Variants in LIN54 observed in about 807,000 individuals in gnomAD.
LIN54 encodes lin-54 DREAM MuvB core complex component.
Under a neutral mutation model 78.7 loss-of-function variants are expected in LIN54, and 9 were observed. The ratio of observed to expected loss-of-function variants is 0.11; its 90% CI spans 0.07 to 0.20. The LOEUF (loss-of-function observed/expected upper bound fraction) is 0.20, where lower values mean the gene tolerates loss of function less well. Ranked by LOEUF, LIN54 falls within the 10% of genes least tolerant of loss-of-function variation. LIN54 has a pLI of 1.00. For missense variants in LIN54, 573 were observed against 889.9 expected (o/e 0.64, Z 4.53); for synonymous variants, 269 against 318.4 (o/e 0.84, Z 1.65).
chr4:82,957,386 T>C (rs1451556293), intron 4 of LIN54, among the ~76,000 whole-genome samples: 1 of 149,630 alleles, frequency 6.7e-6, no homozygotes, highest in African/African-American at 2.5e-5. Context: ...CAAACTTTAC[T>C]TTCATGTTTT....
At chr4:82,936,508 T>C in intron 9 of LIN54, 127 bp from the exon 10 acceptor site, 1 of 540,250 alleles carries the variant, frequency 1.9e-6, no homozygotes, top group Non-Finnish European at 3.3e-6. Flanking sequence ...AGAAATCTAC[T>C]CAGCTACCCA....
chr4:82,984,271 G>A lies in LIN54; in HGVS notation c.574C>T (p.Pro192Ser), dbSNP rs1398583517. ...ACACCAATGACAGGTTTCACCTCTG[G>A]CCTCCCTCCAATGGTAACTACTTTA... ...QIKVVTIGGR[P>S]EVKPVIGVSA... is the part of the protein sequence containing the mutation. Residue 192 changes from proline (P) to serine (S), a missense_variant, in exon 2 of 13, where the codon CCA becomes TCA. By Grantham distance (74) the Pro-to-Ser change is moderately conservative. This residue lies in a region of LIN54 where 183 missense variants were observed against 228.4 expected (regional missense o/e 0.80). Coordinates refer to ENST00000340417, the MANE Select transcript of LIN54 (RefSeq NM_194282.4). The A allele has an allele frequency of 6.2e-7, 1 of 1,614,080 alleles. No individual in the cohort carries two copies. Among genetic ancestry groups the A allele is most frequent in the Non-Finnish European group, 8.5e-7 (1 of 1,180,006 alleles).
intron 4 of LIN54, among the ~76,000 whole-genome samples, chr4:82,969,772 T>C (rs1725493929): frequency 6.6e-6 from 1 of 152,180 alleles, no homozygotes; most frequent in African/African-American, 2.4e-5. Context: ...ATAACAACTG[T>C]ATGTTTTAGG....
At chr4:82,976,266 G>C (rs1260502433) in intron 3 of LIN54, among the ~76,000 whole-genome samples, 1 of 152,028 alleles carries the variant, frequency 6.6e-6, no homozygotes, top group Non-Finnish European at 1.5e-5. Context: ...TTTTAAGCAA[G>C]GGTATGACAA....
At position 82,972,231 on chromosome 4, in the gene LIN54, A is replaced by AT. The variant is rs537175270; in HGVS notation, c.809-1763dup. Among the ~76,000 whole-genome samples, 34 of 150,172 alleles carry AT rather than the reference A, an allele frequency of 2.3e-4. No individual in the cohort carries two copies. In the South Asian group the frequency reaches 6.1e-3, roughly 27 times the overall value. On this transcript the variant is annotated intron_variant, in intron 3 of 12. Coordinates refer to ENST00000340417, the MANE Select transcript of LIN54 (RefSeq NM_194282.4). Reference sequence around the variant, plus strand: ...CACCATGCTTAGCTATTTTTTTTTTATTTTTTTTAGACAATGGAGTTTTGT... The same window carrying AT: ...CACCATGCTTAGCTATTTTTTTTTTATTTTTTTTTAGACAATGGAGTTTTGT...
At chr4:82,998,294 C>A (rs1018511297) in intron 1 of LIN54, among the ~76,000 whole-genome samples, 6 of 151,860 alleles carry the variant, frequency 4.0e-5, no homozygotes, top group African/African-American at 1.5e-4. Context: ...CCTGTAATCC[C>A]AGCACTTTGG....
At chr4:83,010,408 T>TGGCCCCC in intron 1 of LIN54, 76 bp downstream of exon 1, 1 of 171,588 alleles carries the variant, frequency 5.8e-6, no homozygotes, top group Non-Finnish European at 1.1e-5. Context: ...CGCAATTCTT[T>TGGCCCCC]CCCCACCCAC....
intron 3 of LIN54, among the ~76,000 whole-genome samples, chr4:82,977,175 T>G (rs1477011324): frequency 6.6e-6 from 1 of 152,152 alleles, no homozygotes; most frequent in African/African-American, 2.4e-5. Flanking sequence ...TCAGGGACTC[T>G]CTCAGAGTCT....
In LIN54 at chr4:83,010,554, G is replaced by C. The variant is rs1453237149; in HGVS notation, c.-103C>G. ...GCTCCAGAAGGTCCTGGGCAATCCC[G>C]AGCCCCGGCGGGGCTTGTTTTGCCC... On this transcript the variant is annotated 5_prime_UTR_variant, in exon 1 of 13. Coordinates refer to ENST00000340417, the MANE Select transcript of LIN54 (RefSeq NM_194282.4). 21 of 1,210,134 alleles carry C rather than the reference G, an allele frequency of 1.7e-5. No homozygotes were observed. Among genetic ancestry groups the C allele is most frequent in the Non-Finnish European group, 1.8e-5 (18 of 974,588 alleles). 75.0% of individuals were successfully genotyped at this position (1,210,134 alleles called of 1,614,324 possible).
intron 2 of LIN54, among the ~76,000 whole-genome samples, chr4:82,983,202 T>C (rs1319456884): frequency 6.6e-6 from 1 of 152,048 alleles, no homozygotes; most frequent in Non-Finnish European, 1.5e-5. Context: ...AGAGATGAGG[T>C]TTCACCATGT....
chr4:82,932,026 C>G (rs1222802693), intron 11 of LIN54, among the ~76,000 whole-genome samples: 2 of 151,622 alleles, frequency 1.3e-5, no homozygotes, highest in East Asian at 3.9e-4. Flanking sequence ...ATACATTATG[C>G]CTTTTTATTT....
chr4:82,948,703 C>T (rs1257578258), intron 4 of LIN54, among the ~76,000 whole-genome samples: 1 of 151,628 alleles, frequency 6.6e-6, no homozygotes, highest in African/African-American at 2.4e-5. Flanking sequence ...CCTCTGCTAC[C>T]CCCACCCAGT....
At position 82,927,184 on chromosome 4, in the gene LIN54, A is replaced by G. The variant is rs1209400322; in HGVS notation, c.*918T>C. 2 of 151,266 alleles carry G rather than the reference A, an allele frequency of 1.3e-5. No homozygotes were observed. Among genetic ancestry groups the G allele is most frequent in the Non-Finnish European group, 2.9e-5 (2 of 67,868 alleles). The allele number at this position is 151,266 out of a possible 1,614,324, so 9.4% of individuals were successfully genotyped here. ...AAAAAAAAGTCTGTAAAAATAATTG[A>G]TTGTATAGATGAAAACTTCTCTAAA... On this transcript the variant is annotated 3_prime_UTR_variant, in exon 13 of 13. Coordinates refer to ENST00000340417, the MANE Select transcript of LIN54 (RefSeq NM_194282.4).
At chr4:82,956,013 G>A (rs1724296728) in intron 4 of LIN54, among the ~76,000 whole-genome samples, 1 of 152,172 alleles carries the variant, frequency 6.6e-6, no homozygotes, top group Non-Finnish European at 1.5e-5. Context: ...CCAGGCTGAA[G>A]TGCAGTGGCA....
chr4:82,991,242 G>C (rs1727674637), intron 1 of LIN54, among the ~76,000 whole-genome samples: 2 of 150,474 alleles, frequency 1.3e-5, no homozygotes, highest in African/African-American at 4.9e-5. Context: ...TGCACTTTAA[G>C]TATATAGGTC....
intron 5 of LIN54, among the ~76,000 whole-genome samples, chr4:82,941,197 T>C (rs1410805138): frequency 6.8e-6 from 1 of 146,972 alleles, no homozygotes; most frequent in East Asian, 2.0e-4. Flanking sequence ...GATGGAAATA[T>C]AGAAAAAGCA....
chr4:83,012,128 G>A (rs974693309), upstream of LIN54: 1 of 649,440 alleles, frequency 1.5e-6, no homozygotes, highest in East Asian at 1.4e-4. Context: ...CAGATGCTGA[G>A]AGTATAAAGT....
chr4:82,956,707 A>G (rs1724364281), intron 4 of LIN54, among the ~76,000 whole-genome samples: 1 of 152,096 alleles, frequency 6.6e-6, no homozygotes, highest in Non-Finnish European at 1.5e-5. Flanking sequence ...TCTATATAAC[A>G]CAGTAAAAAG....
chr4:82,938,790 T>C (rs1044060397), intron 7 of LIN54, among the ~76,000 whole-genome samples: 2 of 152,224 alleles, frequency 1.3e-5, no homozygotes, highest in African/African-American at 2.4e-5. Flanking sequence ...ATGAATGCTC[T>C]CAAAGTACTG....
Sources: gnomAD v4.1 joint callset for allele counts (sites outside exome capture counted in the v4.1 genomes callset) on GRCh38, gnomAD v4.1.1 for gene constraint, gnomAD v4.1.1 regional missense constraint, MANE v1.5 for transcripts, NCBI Gene and HGNC (gene_info 2026-07-23, HGNC 2026-07-21) for gene names.